Variants in ADCY10 observed in about 807,000 individuals in gnomAD.
ADCY10 encodes the protein adenylate cyclase 10, also known as adenylate cyclase type 10.
ADCY10 carries 156 observed loss-of-function variants against 183.3 expected under a neutral mutation model. The ratio of observed to expected loss-of-function variants is 0.85; its 90% CI spans 0.75 to 0.97. The LOEUF (loss-of-function observed/expected upper bound fraction) is 0.97. Among genes scored for constraint, ADCY10 ranks in the 50% least tolerant of loss-of-function variants. The probability of loss-of-function intolerance (pLI) is 0.00; values close to 1 mark genes in which losing one functional copy is unlikely to be tolerated. For synonymous variants in ADCY10, 645 were observed against 670.0 expected (o/e 0.96, Z 0.58); for missense variants, 1,745 against 1,934.3 (o/e 0.90, Z 1.84).
chr1:167,905,151 A>G lies in ADCY10; in HGVS notation c.-11T>C. ...TTTTGGAGTGTTCATGTTCAAGACA[A>G]ATGTTCAGGATTTTATGGTGACAGG... On this transcript the variant is annotated 5_prime_UTR_variant, in exon 2 of 33. Coordinates refer to ENST00000367851, the MANE Select transcript of ADCY10 (RefSeq NM_018417.6). 1.2e-6 allele frequency: 2 copies of G among 1,614,196 alleles called. No individual in the cohort carries two copies. The highest frequency in any genetic ancestry group is 1.7e-6 in the Non-Finnish European group (2 of 1,180,036).
At chr1:167,860,115 C>T (rs926836096) in intron 15 of ADCY10, among the ~76,000 whole-genome samples, 8 of 152,120 alleles carry the variant, frequency 5.3e-5, no homozygotes, top group African/African-American at 1.9e-4. Flanking sequence ...AGGTGCATTA[C>T]ATTTATTGTG....
rs3738234 is a variant in ADCY10, at chr1:167,832,830, A to G, written c.3593+157T>C. Among the ~76,000 whole-genome samples the G allele has an allele frequency of 0.24, 36,487 of 152,012 alleles. 4,458 individuals carry two copies. The highest frequency in any genetic ancestry group is 0.36 in the Middle Eastern group (105 of 294). On this transcript the variant is annotated intron_variant, in intron 25 of 32. Coordinates refer to ENST00000367851, the MANE Select transcript of ADCY10 (RefSeq NM_018417.6). Reference sequence around the variant, plus strand: ...TTTGTGGCAACCCTGGTATGGGAGCACCTCCCACACTCGCCCCCTCCCCAG... The same window carrying G: ...TTTGTGGCAACCCTGGTATGGGAGCGCCTCCCACACTCGCCCCCTCCCCAG...
At chr1:167,821,623 A>T (rs144498232) in intron 30 of ADCY10, among the ~76,000 whole-genome samples, 58 of 152,340 alleles carry the variant, frequency 3.8e-4, no homozygotes, top group African/African-American at 1.4e-3. Context: ...TCGTGAAGAT[A>T]TAAGCCATGT....
chr1:167,815,914 G>A (rs1374724798), intron 31 of ADCY10, among the ~76,000 whole-genome samples: 2 of 152,066 alleles, frequency 1.3e-5, no homozygotes, highest in Non-Finnish European at 2.9e-5. Flanking sequence ...GGACCCCGCT[G>A]AGGAAAGAAT....
chr1:167,909,274 C>T (rs1455079126), intron 1 of ADCY10, among the ~76,000 whole-genome samples: 1 of 152,150 alleles, frequency 6.6e-6, no homozygotes, highest in African/African-American at 2.4e-5. Flanking sequence ...AAACATTTAT[C>T]CACTATACTA....
intron 21 of ADCY10, among the ~76,000 whole-genome samples, chr1:167,841,004 C>T (rs1439438277): frequency 1.3e-5 from 2 of 150,240 alleles, no homozygotes; most frequent in African/African-American, 4.9e-5. Flanking sequence ...GCAGTGGCGC[C>T]ATCATAGCTC....
intron 31 of ADCY10, among the ~76,000 whole-genome samples, chr1:167,814,627 G>A (rs1311396978): frequency 6.6e-6 from 1 of 151,948 alleles, no homozygotes; most frequent in East Asian, 1.9e-4. Context: ...AAGACACAGA[G>A]GACTTAGACA....
Position 167,845,721 on chromosome 1 carries a change from T to G in ADCY10, c.2849A>C (p.His950Pro), listed in dbSNP as rs199562109. Residue 950 changes from histidine (H) to proline (P), a missense_variant, in exon 21 of 33, where the codon CAC becomes CCC. Transcript: ENST00000367851. ...TTCTAAAAAGCGGGCACATTTCAAG[T>G]GCATGGCTTTTCTCTGGTCCTTGAG... ...LWLKDQRKAM[H>P]LKCARFLEED... The G allele has an allele frequency of 6.2e-6, 10 of 1,614,232 alleles. No homozygotes were observed. The highest frequency in any genetic ancestry group is 1.7e-5 in the Admixed American group (1 of 60,024).
At chr1:167,861,849 C>G (rs891543165) in intron 14 of ADCY10, among the ~76,000 whole-genome samples, 1 of 152,104 alleles carries the variant, frequency 6.6e-6, no homozygotes, top group African/African-American at 2.4e-5. Flanking sequence ...GGCGGTTCCC[C>G]CCATGCTGTT....
rs749139719 is a variant in ADCY10 at position 167,878,577 on chromosome 1, C to T, written c.1275G>A (p.Val425=). The change falls in exon 12 of 33, where the codon GTG becomes GTA. Residue 425 remains valine, a synonymous_variant. Transcript: ENST00000367851. ...ARMMMYYPGI[V]TCDSVTYNGS... Reference sequence around the variant, plus strand: ...CATTGTAGGTGACAGAGTCGCAGGTCACAATTCCTGGGTAGTACATCATCA... The same window carrying T: ...CATTGTAGGTGACAGAGTCGCAGGTTACAATTCCTGGGTAGTACATCATCA... 4.3e-6 allele frequency: 7 copies of T among 1,614,050 alleles called. No homozygotes were observed. Among genetic ancestry groups the T allele is most frequent in the Non-Finnish European group, 5.9e-6 (7 of 1,180,048 alleles).
intron 9 of ADCY10, among the ~76,000 whole-genome samples, chr1:167,880,840 G>A (rs1667824915): frequency 6.6e-6 from 1 of 152,200 alleles, no homozygotes. Flanking sequence ...ATAGTGAATA[G>A]GGCTGAGCTA....
chr1:167,847,766 T>G (rs1257356881), intron 19 of ADCY10, among the ~76,000 whole-genome samples: 2 of 152,186 alleles, frequency 1.3e-5, no homozygotes, highest in African/African-American at 4.8e-5. Context: ...TTCTTTCTCA[T>G]AAAAGTGGAT....
intron 25 of ADCY10, among the ~76,000 whole-genome samples, chr1:167,832,329 A>T (rs990983600): frequency 6.6e-6 from 1 of 152,226 alleles, no homozygotes; most frequent in Non-Finnish European, 1.5e-5. Context: ...TATGATGAGC[A>T]AAATGCACTC....
At chr1:167,880,842 GC>G (rs2102248123) in intron 9 of ADCY10, among the ~76,000 whole-genome samples, 1 of 152,312 alleles carries the variant, frequency 6.6e-6, no homozygotes, top group Admixed American at 6.5e-5. Flanking sequence ...AGTGAATAGG[GC>G]TGAGCTATCT....
At chr1:167,859,777 C>T in intron 16 of ADCY10, 30 bp downstream of exon 16, 1 of 1,548,740 alleles carries the variant, frequency 6.5e-7, no homozygotes. Flanking sequence ...GTTTTCTTCC[C>T]CCTACTTCTT....
intron 21 of ADCY10, among the ~76,000 whole-genome samples, chr1:167,840,843 C>G (rs929430796): frequency 6.6e-6 from 1 of 152,020 alleles, no homozygotes; most frequent in African/African-American, 2.4e-5. Flanking sequence ...AGAACTAAAA[C>G]TAAGACTTTA....
intron 1 of ADCY10, among the ~76,000 whole-genome samples, chr1:167,912,358 G>A (rs1670202308): frequency 6.6e-6 from 1 of 152,176 alleles, no homozygotes; most frequent in Admixed American, 6.5e-5. Flanking sequence ...CCAACATGGC[G>A]ATTCCGGAGG....
intron 1 of ADCY10, 56 bp from the exon 2 acceptor site, chr1:167,905,254 A>G: frequency 3.1e-6 from 4 of 1,279,096 alleles, no homozygotes; most frequent in Non-Finnish European, 4.5e-6. Context: ...TCATTTTCCT[A>G]TTGCTCTTTC....
chr1:167,849,855 G>A (rs536552795), intron 18 of ADCY10, among the ~76,000 whole-genome samples: 2 of 152,326 alleles, frequency 1.3e-5, no homozygotes, highest in South Asian at 4.1e-4. Context: ...CCAACGCGAA[G>A]GCACAGGAAC....
Sources: gnomAD v4.1 joint callset for allele counts (sites outside exome capture counted in the v4.1 genomes callset) on GRCh38, gnomAD v4.1.1 for gene constraint, MANE v1.5 for transcripts, NCBI Gene and HGNC (gene_info 2026-07-23, HGNC 2026-07-21) for gene names.